The following PANX2 variants were observed in gnomAD, a reference collection of about 807,000 sequenced individuals.
PANX2 encodes pannexin 2.
Under a neutral mutation model 38.7 loss-of-function variants are expected in PANX2, and 30 were observed. That is an observed-to-expected ratio of 0.78 (90% CI 0.58 to 1.05). The LOEUF is 1.05. Ranked by LOEUF, PANX2 falls within the 50% of genes least tolerant of loss-of-function variation. The pLI is 0.00. For synonymous variants in PANX2, 539 were observed against 472.1 expected, an observed-to-expected ratio of 1.14 and a Z score of -1.84; for missense variants, 880 against 979.3, an observed-to-expected ratio of 0.90 and a Z score of 1.35.
In PANX2 at chr22:50,178,138, C is replaced by T; in HGVS notation, c.1426C>T (p.Leu476=). 6.5e-7 allele frequency: 1 copy of T among 1,527,876 alleles called. No individual in the cohort carries two copies. The highest frequency in any genetic ancestry group is 8.7e-7 in the Non-Finnish European group (1 of 1,145,538). 94.6% of individuals were successfully genotyped at this position (1,527,876 alleles called of 1,614,324 possible). Residue 476 remains leucine, a synonymous_variant, in exon 2 of 3, where the codon CTG becomes TTG. Coordinates refer to ENST00000395842, the MANE Select transcript of PANX2 (RefSeq NM_052839.4). ...KTATDTLIAP[L]LDRSAHHYKG... is the part of the protein sequence containing the mutation. ...GGCCACGGACACGCTGATCGCGCCG[C>T]TGCTGGACCGCTCCGCCCACCACTA...
chr22:50,171,746 G>A (rs763424075), intron 1 of PANX2, among the ~76,000 whole-genome samples: 3 of 152,198 alleles, frequency 2.0e-5, no homozygotes, highest in Admixed American at 6.5e-5. Context: ...AGGTGGAGCC[G>A]AGAACTTCCT....
rs759446317 is a variant in PANX2, at chr22:50,177,820, G to A, written c.1108G>A (p.Glu370Lys). 1 of 1,600,486 alleles carries A rather than the reference G, an allele frequency of 6.2e-7. No homozygotes were observed. Reference sequence around the variant, plus strand: ...CAACCGGCTGGACTTCATCACCAACGAGAGCGACCTCATGTACGACAACGT... The same window carrying A: ...CAACCGGCTGGACTTCATCACCAACAAGAGCGACCTCATGTACGACAACGT... The part of the protein sequence containing the change: ...SLNRLDFITN[E>K]SDLMYDNVVR... Residue 370 changes from glutamate (E) to lysine (K), a missense_variant, in exon 2 of 3, where the codon GAG becomes AAG. Coordinates refer to ENST00000395842, the MANE Select transcript of PANX2 (RefSeq NM_052839.4).
intron 1 of PANX2, among the ~76,000 whole-genome samples, chr22:50,173,222 G>A (rs868290342): frequency 1.3e-5 from 2 of 152,112 alleles, no homozygotes; most frequent in African/African-American, 4.8e-5. Flanking sequence ...TAGTAGAGAC[G>A]GGGTTTTGCC....
intron 1 of PANX2, 127 bp downstream of exon 1, chr22:50,171,083 G>A (rs2063627237): frequency 5.0e-6 from 2 of 396,576 alleles, no homozygotes; most frequent in Admixed American, 4.7e-5. Flanking sequence ...CTGCGTCCGC[G>A]GCGTCCCAGG....
Position 50,177,256 on chromosome 22 carries a change from T to C in PANX2, c.544T>C (p.Ser182Pro). Residue 182 changes from serine to proline, a missense_variant, in exon 2 of 3, where the codon TCC (serine) becomes CCC (proline). Physicochemically the swap from Ser to Pro is moderately conservative, Grantham distance 74. This residue lies in a region of PANX2 where 243 missense variants were observed against 333.1 expected (regional missense o/e 0.73). Transcript: ENST00000395842. Reference sequence around the variant, plus strand: ...GCCCAAGATCGAGAAGCAGATCCAGTCCAAGGGCCCGGGCATCACGGAGCG... The same window carrying C: ...GCCCAAGATCGAGAAGCAGATCCAGCCCAAGGGCCCGGGCATCACGGAGCG... ...RAPKIEKQIQSKGPGITEREK... is the reference protein window; with the variant it reads ...RAPKIEKQIQPKGPGITEREK... 1 of 1,612,314 alleles carries C rather than the reference T, an allele frequency of 6.2e-7. No homozygotes were observed. The highest frequency in any genetic ancestry group is 8.5e-7 in the Non-Finnish European group (1 of 1,179,774).
rs2147064019 is a variant in PANX2 at position 50,178,099 on chromosome 22, G to A, written c.1387G>A (p.Ala463Thr). The A allele has an allele frequency of 4.5e-6, 7 of 1,548,414 alleles. No homozygotes were observed. Among genetic ancestry groups the A allele is most frequent in the East Asian group, 2.4e-5 (1 of 41,464 alleles). Residue 463 changes from alanine (A) to threonine (T), a missense_variant, in exon 2 of 3, where the codon GCG becomes ACG. Ala to Thr is a moderately conservative substitution (Grantham distance 58). This residue lies in a region of PANX2 where 445 missense variants were observed against 404.3 expected (regional missense o/e 1.10). Transcript: ENST00000395842. Reference protein sequence around the residue: ...ENSKAEKPKPARRKTATDTLI... With the variant: ...ENSKAEKPKPTRRKTATDTLI... ...CAGCAAGGCGGAGAAGCCGAAGCCC[G>A]CGCGCAGGAAGACGGCCACGGACAC...
rs777814098 is a variant in PANX2, at chr22:50,177,072, G to A, written c.360G>A (p.Glu120=). ...CCAGCCTGTGGCCGTCGCTGTTTGA[G>A]CACAAGTTCCTGCCCTACGCGCTGC... ...VDASLWPSLF[E]HKFLPYALLA... Residue 120 remains glutamate, a synonymous_variant, in exon 2 of 3, where the codon GAG becomes GAA. Transcript: ENST00000395842. The A allele has an allele frequency of 8.1e-6, 13 of 1,610,882 alleles. No homozygotes were observed. Among genetic ancestry groups the A allele is most frequent in the Middle Eastern group, 3.3e-4 (2 of 6,060 alleles).
chr22:50,171,250 G>T (rs1412112505), intron 1 of PANX2, among the ~76,000 whole-genome samples: 1 of 152,220 alleles, frequency 6.6e-6, no homozygotes, highest in Non-Finnish European at 1.5e-5. Context: ...ATGAGACACG[G>T]GGTCTGGTTT....
intron 1 of PANX2, chr22:50,175,538 GGT>G (rs1373900678): frequency 1.0e-6 from 1 of 981,292 alleles, no homozygotes; most frequent in Non-Finnish European, 1.4e-6. Context: ...TGCCTTGTCC[GGT>G]TTGCTCTTCT....
At chr22:50,172,200 C>T (rs928452707) in intron 1 of PANX2, among the ~76,000 whole-genome samples, 4 of 152,220 alleles carry the variant, frequency 2.6e-5, no homozygotes, top group South Asian at 2.1e-4. Context: ...CCAAGTACCG[C>T]AAACTAGGCA....
At position 50,173,099 on chromosome 22, in the gene PANX2, T is replaced by C. The variant is rs532302844; in HGVS notation, c.226+2143T>C. ...TTTTAGTAGAGACGGGGTTTTGCCATGTTGGCCAGGATGGTCTCGATCTCC... is the reference window on the plus strand; with the variant it reads ...TTTTAGTAGAGACGGGGTTTTGCCACGTTGGCCAGGATGGTCTCGATCTCC... On this transcript the variant is annotated intron_variant, in intron 1 of 2. Coordinates refer to ENST00000395842, the MANE Select transcript of PANX2 (RefSeq NM_052839.4). Among the ~76,000 whole-genome samples the C allele has an allele frequency of 4.6e-5, 7 of 152,320 alleles. No individual in the cohort carries two copies. The East Asian group carries it at 7.7e-4, about 17-fold the overall frequency.
At position 50,178,169 on chromosome 22, in the gene PANX2, G is replaced by C. The variant is rs2063674328; in HGVS notation, c.1457G>C (p.Gly486Ala). The C allele has an allele frequency of 1.3e-6, 2 of 1,497,638 alleles. No homozygotes were observed. The highest frequency in any genetic ancestry group is 1.8e-6 in the Non-Finnish European group (2 of 1,133,652). 92.8% of individuals were successfully genotyped at this position (1,497,638 alleles called of 1,614,324 possible). ...LLDRSAHHYK[G>A]GGGDPGPGPA... Reference sequence around the variant, plus strand: ...GACCGCTCCGCCCACCACTACAAGGGCGGAGGGGGCGACCCGGGCCCCGGC... The same window carrying C: ...GACCGCTCCGCCCACCACTACAAGGCCGGAGGGGGCGACCCGGGCCCCGGC... The change falls in exon 2 of 3, where the codon GGC (glycine) becomes GCC (alanine). Residue 486 changes from glycine to alanine, a missense_variant. Around this residue, in one of 4 missense-constraint regions of PANX2, gnomAD observed 445 missense variants for 404.3 expected, o/e 1.10. Coordinates refer to ENST00000395842, the MANE Select transcript of PANX2 (RefSeq NM_052839.4).
chr22:50,176,581 C>A (rs1325986291), intron 1 of PANX2, among the ~76,000 whole-genome samples: 1 of 152,232 alleles, frequency 6.6e-6, no homozygotes, highest in Non-Finnish European at 1.5e-5. Context: ...GAAGAAGGAC[C>A]CTGGCTGGGA....
intron 2 of PANX2, 95 bp from the exon 3 acceptor site, chr22:50,178,839 T>A: frequency 8.8e-7 from 1 of 1,141,820 alleles, no homozygotes; most frequent in Non-Finnish European, 1.2e-6. Context: ...TTCAGAGCCG[T>A]GAGCCCTGCT....
In PANX2 at chr22:50,179,211, C is replaced by G; in HGVS notation, c.1968C>G (p.Ala656=). 1 of 1,612,732 alleles carries G rather than the reference C, an allele frequency of 6.2e-7. No individual in the cohort carries two copies. Among genetic ancestry groups the G allele is most frequent in the Non-Finnish European group, 8.5e-7 (1 of 1,179,906 alleles). ...QDVGDLIAIP[A]PQQILIATFD... ...TGGGGGACCTCATCGCCATCCCTGC[C>G]CCACAGCAGATCCTCATCGCCACCT... The change falls in exon 3 of 3, where the codon GCC becomes GCG. Residue 656 remains alanine (A), a synonymous_variant. Transcript: ENST00000395842.
rs199548028 is a variant in PANX2, at chr22:50,177,893, C to T, written c.1181C>T (p.Thr394Ile). 3.9e-4 allele frequency: 600 copies of T among 1,538,028 alleles called. 1 individual carries two copies. The highest frequency in any genetic ancestry group is 4.9e-4 in the Non-Finnish European group (566 of 1,146,352). ...CTGGCGCAGTCCAACCACGACGCCA[C>T]CCCCACGGTGCGCGACTCGGGGGTG... is the stretch of plus-strand genomic sequence containing the variant. Reference protein sequence around the residue: ...AALAQSNHDATPTVRDSGVQT... With the variant: ...AALAQSNHDAIPTVRDSGVQT... The change falls in exon 2 of 3, where the codon ACC becomes ATC. Residue 394 changes from threonine (T) to isoleucine (I), a missense_variant. Coordinates refer to ENST00000395842, the MANE Select transcript of PANX2 (RefSeq NM_052839.4).
chr22:50,172,953 G>A (rs2063641063), intron 1 of PANX2, among the ~76,000 whole-genome samples: 1 of 145,042 alleles, frequency 6.9e-6, no homozygotes, highest in African/African-American at 2.6e-5. Context: ...CTGGAGTATA[G>A]TGGCGCGATC....
chr22:50,177,721 C>T lies in PANX2; in HGVS notation c.1009C>T (p.Arg337Cys). 2 of 1,610,108 alleles carry T rather than the reference C, an allele frequency of 1.2e-6. No homozygotes were observed. Among genetic ancestry groups the T allele is most frequent in the Non-Finnish European group, 1.7e-6 (2 of 1,179,436 alleles). ...KVGIKTRRQWRRSQFCDINIL... is the reference protein window; with the variant it reads ...KVGIKTRRQWCRSQFCDINIL... ...GGGCATCAAGACGCGCCGGCAGTGG[C>T]GCCGCTCGCAGTTCTGCGACATCAA... The change falls in exon 2 of 3, where the codon CGC becomes TGC. Residue 337 changes from arginine to cysteine, a missense_variant. Physicochemically the swap from Arg to Cys is radical, Grantham distance 180. This residue lies in a region of PANX2 where 78 missense variants were observed against 133.1 expected (regional missense o/e 0.59). Transcript: ENST00000395842.
intron 1 of PANX2, among the ~76,000 whole-genome samples, chr22:50,173,618 G>A (rs1438463853): frequency 2.6e-5 from 4 of 152,246 alleles, no homozygotes; most frequent in East Asian, 1.9e-4. Flanking sequence ...TAGCAGGTGC[G>A]CAGCCACCGC....
Sources: allele counts gnomAD v4.1 joint callset (sites outside exome capture counted in the v4.1 genomes callset), GRCh38; gene constraint gnomAD v4.1.1; regional missense constraint gnomAD v4.1.1; transcripts MANE v1.5; gene names NCBI Gene and HGNC (gene_info 2026-07-23, HGNC 2026-07-21).